The following NALCN variants were observed in gnomAD, a reference collection of about 807,000 sequenced individuals.
NALCN encodes sodium leak channel NALCN.
A neutral mutation model predicts 225.3 loss-of-function variants in NALCN; 111 were observed. The ratio of observed to expected loss-of-function variants is 0.49; its 90% CI spans 0.42 to 0.58. NALCN has a LOEUF of 0.58. Among genes scored for constraint, NALCN ranks in the 20% least tolerant of loss-of-function variants. NALCN has a pLI of 0.00. For missense variants in NALCN, 1,378 were observed against 2,202.4 expected (o/e 0.63, Z 7.49); for synonymous variants, 764 against 769.0 (o/e 0.99, Z 0.11).
chr13:101,223,604 T>C (rs909905957), intron 13 of NALCN, among the ~76,000 whole-genome samples: 1 of 152,144 alleles, frequency 6.6e-6, no homozygotes, highest in Non-Finnish European at 1.5e-5. Context: ...ACACATCCCC[T>C]ATCGACCTCA....
At position 101,284,013 on chromosome 13, in the gene NALCN, G is replaced by A. The variant is rs1439396836; in HGVS notation, c.1054C>T (p.His352Tyr). ...TGCCAACCTCCAGCAGCATCTTCAT[G>A]AAACATCTTCAAGACAAAGAAGGGA... is the stretch of plus-strand genomic sequence containing the variant. ...TTSTATTQMFHEDAAGGWQLV... is the reference protein window; with the variant it reads ...TTSTATTQMFYEDAAGGWQLV... Residue 352 changes from histidine to tyrosine, a missense_variant, in exon 10 of 44, where the codon CAT becomes TAT. By Grantham distance (83) the His-to-Tyr change is moderately conservative. Coordinates refer to ENST00000251127, the MANE Select transcript of NALCN (RefSeq NM_052867.4). The A allele has an allele frequency of 5.0e-6, 8 of 1,613,102 alleles. No homozygotes were observed. The highest frequency in any genetic ancestry group is 6.8e-6 in the Non-Finnish European group (8 of 1,179,690).
At position 101,281,043 on chromosome 13, in the gene NALCN, G is replaced by A. The variant is rs553586678; in HGVS notation, c.1134+2890C>T. Reference sequence around the variant, plus strand: ...TTACAGGCGTGCACCACAACACCTGGGTAATATTTGGATTTTTAGTAGAGA... The same window carrying A: ...TTACAGGCGTGCACCACAACACCTGAGTAATATTTGGATTTTTAGTAGAGA... On this transcript the variant is annotated intron_variant, in intron 10 of 43. Coordinates refer to ENST00000251127, the MANE Select transcript of NALCN (RefSeq NM_052867.4). Among the ~76,000 whole-genome samples, 11 of 152,082 alleles carry A rather than the reference G, an allele frequency of 7.2e-5. No homozygotes were observed. The South Asian group carries it at 2.3e-3, about 32-fold the overall frequency.
chr13:101,334,356 A>C (rs2045289856), intron 7 of NALCN, among the ~76,000 whole-genome samples: 1 of 122,064 alleles, frequency 8.2e-6, no homozygotes, highest in East Asian at 2.4e-4. Flanking sequence ...GTCACAGGAG[A>C]TGGGGGTAGG....
At chr13:101,116,658 T>G in intron 18 of NALCN, 1 of 425,200 alleles carries the variant, frequency 2.4e-6, no homozygotes, top group Non-Finnish European at 4.6e-6. Flanking sequence ...AAAGTTAGAT[T>G]ACACAATACC....
chr13:101,155,773 A>T (rs190513659), intron 15 of NALCN, among the ~76,000 whole-genome samples: 109 of 152,278 alleles, frequency 7.2e-4, no homozygotes, highest in Middle Eastern at 3.4e-3. Flanking sequence ...TACAATAATT[A>T]AAAAAAGACT....
chr13:101,235,536 C>T (rs1461552735), intron 12 of NALCN, among the ~76,000 whole-genome samples: 1 of 152,154 alleles, frequency 6.6e-6, no homozygotes, highest in Non-Finnish European at 1.5e-5. Context: ...ATCTAGAGAG[C>T]AGTGCACAAG....
At chr13:101,348,338 G>A (rs1042576296) in intron 6 of NALCN, among the ~76,000 whole-genome samples, 1 of 152,086 alleles carries the variant, frequency 6.6e-6, no homozygotes, top group Non-Finnish European at 1.5e-5. Context: ...TGAGACGTAA[G>A]TATTTACATC....
At chr13:101,066,588 T>C (rs1383206840) in intron 39 of NALCN, among the ~76,000 whole-genome samples, 2 of 152,046 alleles carry the variant, frequency 1.3e-5, no homozygotes, top group Admixed American at 1.3e-4. Context: ...TCTTCATGTG[T>C]GTATTGCATG....
intron 17 of NALCN, among the ~76,000 whole-genome samples, chr13:101,137,936 T>A (rs1218758275): frequency 6.6e-6 from 1 of 152,212 alleles, no homozygotes; most frequent in Non-Finnish European, 1.5e-5. Flanking sequence ...TATCTCCACT[T>A]TACTGATGAG....
intron 6 of NALCN, among the ~76,000 whole-genome samples, chr13:101,363,363 C>G (rs193150960): frequency 8.1e-4 from 124 of 152,162 alleles, no homozygotes; most frequent in African/African-American, 2.6e-3. Flanking sequence ...AGCAACCAAA[C>G]CAGCATGGTA....
At chr13:101,327,445 G>A (rs2139219339) in intron 7 of NALCN, among the ~76,000 whole-genome samples, 1 of 151,998 alleles carries the variant, frequency 6.6e-6, no homozygotes, top group Non-Finnish European at 1.5e-5. Flanking sequence ...TAATCATTCA[G>A]GCTCATGCTT....
chr13:101,345,190 A>G, intron 7 of NALCN, 76 bp downstream of exon 7: 1 of 1,419,666 alleles, frequency 7.0e-7, no homozygotes, highest in Non-Finnish European at 9.6e-7. Context: ...ATTAGTATCA[A>G]TTATTTAATT....
intron 7 of NALCN, among the ~76,000 whole-genome samples, chr13:101,300,426 T>C (rs954622186): frequency 2.4e-5 from 3 of 126,468 alleles, no homozygotes; most frequent in Admixed American, 8.1e-5. Context: ...TTTCTCTTTT[T>C]TTTCTCTCTC....
At position 101,305,191 on chromosome 13, in the gene NALCN, C is replaced by G. The variant is rs564878108; in HGVS notation, c.800-12825G>C. ...ATTAGGAATGAGAGGGCAGGTCAAA[C>G]GTTGTCTCTTATTGGGACATGAAGA... On this transcript the variant is annotated intron_variant, in intron 7 of 43. Coordinates refer to ENST00000251127, the MANE Select transcript of NALCN (RefSeq NM_052867.4). Among the ~76,000 whole-genome samples the G allele has an allele frequency of 2.0e-4, 30 of 152,282 alleles. No individual in the cohort carries two copies. The East Asian group carries it at 5.8e-3, about 29-fold the overall frequency.
intron 7 of NALCN, among the ~76,000 whole-genome samples, chr13:101,342,282 G>A (rs1482523392): frequency 6.6e-6 from 1 of 152,152 alleles, no homozygotes; most frequent in Non-Finnish European, 1.5e-5. Context: ...TTGACATGAG[G>A]ATGGTGCTTG....
intron 11 of NALCN, among the ~76,000 whole-genome samples, chr13:101,241,992 G>A (rs1390804941): frequency 1.9e-5 from 2 of 105,858 alleles, no homozygotes; most frequent in Admixed American, 8.9e-5. Flanking sequence ...CTGGACTCAC[G>A]TCACATTTAA....
At chr13:101,300,034 C>G (rs554240543) in intron 7 of NALCN, among the ~76,000 whole-genome samples, 1 of 150,882 alleles carries the variant, frequency 6.6e-6, no homozygotes, top group South Asian at 2.1e-4. Flanking sequence ...AAAAAAAAAG[C>G]AGCAGCGAGG....
At position 101,103,164 on chromosome 13, in the gene NALCN, T is replaced by A. The variant is rs371743357; in HGVS notation, c.3057+8A>T. 7.6e-4 allele frequency: 1,224 copies of A among 1,611,504 alleles called. 4 individuals are homozygous for A. Among genetic ancestry groups the A allele is most frequent in the Non-Finnish European group, 1.0e-3 (1,175 of 1,179,128 alleles). On this transcript the variant is annotated splice_region_variant and intron_variant, in intron 26 of 43. Coordinates refer to ENST00000251127, the MANE Select transcript of NALCN (RefSeq NM_052867.4). ...GTGAACTGGAATCAAAGGATAATTC[T>A]CACATACCAAAAAAATTTCCTTGAA...
intron 14 of NALCN, among the ~76,000 whole-genome samples, chr13:101,182,086 A>G (rs972427463): frequency 7.4e-6 from 1 of 134,696 alleles, no homozygotes; most frequent in African/African-American, 2.8e-5. Context: ...GTGAGCCGAG[A>G]TCGTGCCACT....
Sources: allele counts gnomAD v4.1 joint callset (sites outside exome capture counted in the v4.1 genomes callset), GRCh38; gene constraint gnomAD v4.1.1; transcripts MANE v1.5; gene names NCBI Gene and HGNC (gene_info 2026-07-23, HGNC 2026-07-21).